The following PPFIBP1 variants were observed in gnomAD, a reference collection of about 807,000 sequenced individuals.
PPFIBP1 encodes the protein liprin-beta-1.
Under a neutral mutation model 137.8 loss-of-function variants are expected in PPFIBP1, and 112 were observed. The ratio of observed to expected loss-of-function variants is 0.81; its 90% CI spans 0.70 to 0.95. The LOEUF (loss-of-function observed/expected upper bound fraction) is 0.95. Ranked by LOEUF, PPFIBP1 falls within the 40% of genes least tolerant of loss-of-function variation. The pLI, the probability that PPFIBP1 is intolerant of heterozygous loss-of-function variation, is 0.00. For synonymous variants in PPFIBP1, 378 were observed against 417.3 expected, an observed-to-expected ratio of 0.91 and a Z score of 1.15; for missense variants, 1,083 against 1,196.6, an observed-to-expected ratio of 0.91 and a Z score of 1.40.
intron 2 of PPFIBP1, among the ~76,000 whole-genome samples, chr12:27,594,840 A>C (rs1365796861): frequency 6.6e-6 from 1 of 152,228 alleles, no homozygotes; most frequent in African/African-American, 2.4e-5. Flanking sequence ...ACATTTATAT[A>C]ATATATCCAC....
At chr12:27,557,311 C>T (rs1002008078) in intron 1 of PPFIBP1, among the ~76,000 whole-genome samples, 2 of 150,108 alleles carry the variant, frequency 1.3e-5, no homozygotes, top group Non-Finnish European at 2.9e-5. Flanking sequence ...TCTCGGCTCT[C>T]TGCGAGCTCC....
rs11342490 is a variant in PPFIBP1 at position 27,686,872 on chromosome 12, C to CA, written c.2248-501dup. ...GCAGTATAGTGAGATCCTATCTCTC[C>CA]AAAAAAAAAAAAGATGAAAAAAGAA... On this transcript the variant is annotated intron_variant, in intron 24 of 29. Coordinates refer to ENST00000228425, the MANE Select transcript of PPFIBP1 (RefSeq NM_003622.4). Among the ~76,000 whole-genome samples, 825 of 132,696 alleles carry CA rather than the reference C, an allele frequency of 6.2e-3. 5 individuals carry two copies. Among genetic ancestry groups the CA allele is most frequent in the Admixed American group, 8.9e-3 (114 of 12,866 alleles). The allele number at this position is 132,696 out of a possible 152,430, so 87.1% of individuals were successfully genotyped here. A position where few individuals can be genotyped will look rare whatever the true frequency, so the allele number is the denominator to read the frequency against.
At chr12:27,606,326 G>A (rs1185440103) in intron 2 of PPFIBP1, among the ~76,000 whole-genome samples, 1 of 34,572 alleles carries the variant, frequency 2.9e-5, no homozygotes, top group Non-Finnish European at 7.6e-5. Context: ...TTTGGGGTAT[G>A]GGGGAGGATG....
At chr12:27,640,243 G>A (rs1329256062) in intron 4 of PPFIBP1, among the ~76,000 whole-genome samples, 2 of 152,286 alleles carry the variant, frequency 1.3e-5, no homozygotes, top group Non-Finnish European at 1.5e-5. Context: ...GGACTGAAGG[G>A]AAAGAGGTTT....
chr12:27,646,199 T>C, intron 5 of PPFIBP1, 51 bp downstream of exon 5: 1 of 1,442,258 alleles, frequency 6.9e-7, no homozygotes, highest in East Asian at 2.4e-5. Context: ...TTACAAAGCC[T>C]TTTAAATTGG....
At chr12:27,645,502 C>G (rs1463783852) in intron 4 of PPFIBP1, among the ~76,000 whole-genome samples, 1 of 152,132 alleles carries the variant, frequency 6.6e-6, no homozygotes, top group African/African-American at 2.4e-5. Context: ...TCAATATACA[C>G]AGAGCACTGA....
At chr12:27,648,345 A>G (rs1170487167) in intron 6 of PPFIBP1, among the ~76,000 whole-genome samples, 3 of 152,242 alleles carry the variant, frequency 2.0e-5, no homozygotes, top group Non-Finnish European at 4.4e-5. Flanking sequence ...AAGACAGGCA[A>G]TAAGAAATGC....
intron 1 of PPFIBP1, among the ~76,000 whole-genome samples, chr12:27,568,726 C>T (rs1334277657): frequency 1.3e-5 from 2 of 152,142 alleles, no homozygotes; most frequent in Admixed American, 6.5e-5. Flanking sequence ...GTGTTCTTTC[C>T]CAGTGAATTT....
chr12:27,663,839 C>CA (rs56020985), intron 11 of PPFIBP1, among the ~76,000 whole-genome samples: 16,449 of 129,862 alleles, frequency 0.13, 1,029 homozygotes, highest in South Asian at 0.29. Context: ...GACCCTGTCT[C>CA]AAAAAAAAAA....
chr12:27,609,969 C>A (rs1397456915), intron 2 of PPFIBP1, among the ~76,000 whole-genome samples: 1 of 152,126 alleles, frequency 6.6e-6, no homozygotes, highest in East Asian at 1.9e-4. Flanking sequence ...GGGGAAAGAA[C>A]CACTACTTGT....
intron 2 of PPFIBP1, among the ~76,000 whole-genome samples, chr12:27,614,036 C>T (rs2055465745): frequency 6.6e-6 from 1 of 152,094 alleles, no homozygotes. Flanking sequence ...ATGGTTTTAG[C>T]AGACATTTGT....
rs1190609639 is a variant in PPFIBP1 at position 27,567,938 on chromosome 12, C to T, written c.-123-10214C>T. Among the ~76,000 whole-genome samples the T allele has an allele frequency of 5.3e-5, 8 of 152,254 alleles. No homozygotes were observed. In the East Asian group the frequency reaches 1.5e-3, roughly 29 times the overall value. On this transcript the variant is annotated intron_variant, in intron 1 of 29. Coordinates refer to ENST00000228425, the MANE Select transcript of PPFIBP1 (RefSeq NM_003622.4). The stretch of plus-strand genomic sequence containing the variant: ...TAAGAGGTGGGGTATTGCTATGTTG[C>T]CCAGGCTGGCCTCAAACTCCTGGGC...
intron 1 of PPFIBP1, among the ~76,000 whole-genome samples, chr12:27,571,961 T>G (rs576614162): frequency 2.0e-5 from 3 of 152,288 alleles, no homozygotes; most frequent in Admixed American, 2.0e-4. Context: ...TCAGGACATT[T>G]ATAGAATGCT....
chr12:27,616,121 C>G (rs1052278066), intron 2 of PPFIBP1, among the ~76,000 whole-genome samples: 5 of 151,836 alleles, frequency 3.3e-5, no homozygotes, highest in African/African-American at 1.2e-4. Context: ...CTGCCTTCCT[C>G]CCTCCTCTTT....
chr12:27,632,344 G>C (rs1185187107), intron 2 of PPFIBP1, among the ~76,000 whole-genome samples: 2 of 152,156 alleles, frequency 1.3e-5, no homozygotes, highest in Admixed American at 1.3e-4. Context: ...TATTTCCCAG[G>C]TATTTGCTCT....
intron 5 of PPFIBP1, chr12:27,646,405 GTTCT>G: frequency 2.6e-6 from 1 of 386,828 alleles, no homozygotes; most frequent in Non-Finnish European, 4.8e-6. Flanking sequence ...TGTCTGATCT[GTTCT>G]TTTTTTTTTT....
chr12:27,670,794 A>ATAATAATAATAAT lies in PPFIBP1; in HGVS notation c.1147-637_1147-636insTAATAATAATAAT, dbSNP rs57075092. 4.0e-3 allele frequency among the ~76,000 whole-genome samples: 561 copies of ATAATAATAATAAT among 139,340 alleles called. 3 individuals are homozygous for ATAATAATAATAAT. The highest frequency in any genetic ancestry group is 6.8e-3 in the Non-Finnish European group (442 of 65,114). 91.4% of individuals were successfully genotyped at this position (139,340 alleles called of 152,430 possible). ...ACCCTGTCTCAAAAAAAAAAAAAAAAAATAATAATAATAATAATAATAGAG... is the reference window on the plus strand; with the variant it reads ...ACCCTGTCTCAAAAAAAAAAAAAAAATAATAATAATAATAATAATAATAATAATAATAATAGAG... On this transcript the variant is annotated intron_variant, in intron 13 of 29. Coordinates refer to ENST00000228425, the MANE Select transcript of PPFIBP1 (RefSeq NM_003622.4).
chr12:27,557,768 G>A (rs552565437), intron 1 of PPFIBP1, among the ~76,000 whole-genome samples: 41 of 152,276 alleles, frequency 2.7e-4, no homozygotes, highest in Non-Finnish European at 5.1e-4. Context: ...GTCTATTTAA[G>A]TGCTAAATGC....
chr12:27,562,288 G>GA (rs879514830), intron 1 of PPFIBP1, among the ~76,000 whole-genome samples: 12 of 152,124 alleles, frequency 7.9e-5, no homozygotes, highest in Admixed American at 4.6e-4. Context: ...AGAAAGAAGT[G>GA]AAAATGTGTG....
Sources: allele counts gnomAD v4.1 joint callset (sites outside exome capture counted in the v4.1 genomes callset), GRCh38; gene constraint gnomAD v4.1.1; transcripts MANE v1.5; gene names NCBI Gene and HGNC (gene_info 2026-07-23, HGNC 2026-07-21).